The following SPATS2L variants were observed in gnomAD, a reference collection of about 807,000 sequenced individuals.
SPATS2L encodes the protein spermatogenesis associated serine rich 2 like.
A neutral mutation model predicts 59.6 loss-of-function variants in SPATS2L; 30 were observed. That is an observed-to-expected ratio of 0.50 (90% CI 0.38 to 0.68). SPATS2L has a LOEUF of 0.68. SPATS2L is among the 30% of genes least tolerant of loss of function. The probability of loss-of-function intolerance (pLI) is 0.00; values close to 1 mark genes in which losing one functional copy is unlikely to be tolerated. For synonymous variants in SPATS2L, 252 were observed against 263.5 expected (o/e 0.96, Z 0.42); for missense variants, 615 against 700.0 (o/e 0.88, Z 1.37).
rs192823480 is a variant in SPATS2L at position 200,359,274 on chromosome 2, C to T, written c.-23+29794C>T. Among the ~76,000 whole-genome samples the T allele has an allele frequency of 1.3e-3, 201 of 152,042 alleles. 2 individuals are homozygous for T. Among genetic ancestry groups the T allele is most frequent in the African/African-American group, 4.5e-3 (188 of 41,470 alleles). ...AGTTTCATACTTTCTTCATTATTAC[C>T]ACCTTTATCACTCTAATCAAACTCT... On this transcript the variant is annotated intron_variant, in intron 2 of 12. Transcript: ENST00000409140.
Position 200,387,603 on chromosome 2 carries a change from C to T in SPATS2L, c.-22-1620C>T, listed in dbSNP as rs189334019. Among the ~76,000 whole-genome samples, 133 of 152,100 alleles carry T rather than the reference C, an allele frequency of 8.7e-4. 1 individual carries two copies. Among genetic ancestry groups the T allele is most frequent in the African/African-American group, 2.8e-3 (118 of 41,484 alleles). On this transcript the variant is annotated intron_variant, in intron 2 of 12. Coordinates refer to ENST00000409140, the MANE Select transcript of SPATS2L (RefSeq NM_001100423.2). ...ATCTGAATTTATGCTTTATTTAAGA[C>T]GTAAGTGTAAAAGAAAATAGTGGGG...
intron 6 of SPATS2L, among the ~76,000 whole-genome samples, chr2:200,431,734 A>G (rs2083944560): frequency 6.6e-6 from 1 of 152,228 alleles, no homozygotes; most frequent in Non-Finnish European, 1.5e-5. Flanking sequence ...AATCTTTTTC[A>G]GAAACTTTCA....
chr2:200,452,369 G>C (rs1574620165), intron 8 of SPATS2L, among the ~76,000 whole-genome samples: 1 of 152,084 alleles, frequency 6.6e-6, no homozygotes, highest in East Asian at 1.9e-4. Context: ...ATTCCAATAA[G>C]AAAAAGAAAT....
In SPATS2L at chr2:200,478,092, A is replaced by G. The variant is rs2087680622; in HGVS notation, c.*61A>G. Reference sequence around the variant, plus strand: ...GGTTCCCTGCCCGAGGTGCTGACCCAATTCGCTGCCAAAAGAGTGTCAATC... The same window carrying G: ...GGTTCCCTGCCCGAGGTGCTGACCCGATTCGCTGCCAAAAGAGTGTCAATC... On this transcript the variant is annotated 3_prime_UTR_variant, in exon 13 of 13. Transcript: ENST00000409140. 2.1e-6 allele frequency: 3 copies of G among 1,457,420 alleles called. No individual in the cohort carries two copies. The East Asian group carries it at 6.9e-5, about 34-fold the overall frequency. 90.3% of individuals were successfully genotyped at this position (1,457,420 alleles called of 1,614,324 possible).
At chr2:200,396,320 A>G (rs913076610) in intron 3 of SPATS2L, among the ~76,000 whole-genome samples, 1 of 151,878 alleles carries the variant, frequency 6.6e-6, no homozygotes, top group Admixed American at 6.6e-5. Context: ...TATAAACAAT[A>G]ATTGTGTAGA....
At chr2:200,453,650 G>A (rs3769441) in intron 8 of SPATS2L, among the ~76,000 whole-genome samples, 25,646 of 152,192 alleles carry the variant, frequency 0.17, 2,500 homozygotes, top group Middle Eastern at 0.31. Context: ...CAAGGCCCAC[G>A]TGGTGGTCAG....
chr2:200,476,354 A>ATTT (rs1271563513), intron 12 of SPATS2L, among the ~76,000 whole-genome samples: 1 of 152,216 alleles, frequency 6.6e-6, no homozygotes, highest in African/African-American at 2.4e-5. Context: ...CCAAGATAAT[A>ATTT]TTTCTGAACT....
intron 12 of SPATS2L, 30 bp downstream of exon 12, chr2:200,473,082 GGAA>G: frequency 7.0e-7 from 1 of 1,421,244 alleles, no homozygotes. Context: ...GGGTGCCAGA[GGAA>G]AAAAAAAAAA....
At chr2:200,431,614 A>G (rs2083936755) in intron 6 of SPATS2L, among the ~76,000 whole-genome samples, 1 of 152,226 alleles carries the variant, frequency 6.6e-6, no homozygotes, top group South Asian at 2.1e-4. Flanking sequence ...TATGTTTAAT[A>G]CATTCCTTAC....
intron 2 of SPATS2L, among the ~76,000 whole-genome samples, chr2:200,369,434 C>A (rs547364159): frequency 6.6e-6 from 1 of 152,056 alleles, no homozygotes; most frequent in Non-Finnish European, 1.5e-5. Context: ...GCTGGGATTA[C>A]GGGCATGAGC....
At chr2:200,374,127 C>A (rs535680495) in intron 2 of SPATS2L, among the ~76,000 whole-genome samples, 1 of 152,326 alleles carries the variant, frequency 6.6e-6, no homozygotes, top group African/African-American at 2.4e-5. Context: ...AGGAGCCAAT[C>A]TTAAATTTAT....
At chr2:200,330,544 A>G (rs899927713) in intron 2 of SPATS2L, among the ~76,000 whole-genome samples, 2 of 152,202 alleles carry the variant, frequency 1.3e-5, no homozygotes, top group African/African-American at 4.8e-5. Flanking sequence ...GTCTCCATAC[A>G]CATGTCTGCA....
intron 8 of SPATS2L, among the ~76,000 whole-genome samples, chr2:200,449,754 A>G (rs1378563012): frequency 3.3e-5 from 5 of 152,270 alleles, no homozygotes; most frequent in Non-Finnish European, 2.9e-5. Context: ...GTATAAATAT[A>G]AAATACATTA....
intron 2 of SPATS2L, chr2:200,378,130 C>G (rs1000841331): frequency 4.9e-6 from 3 of 608,740 alleles, no homozygotes; most frequent in Non-Finnish European, 6.3e-6. Flanking sequence ...GTGAGTCTTT[C>G]TGTTGCTCAG....
At chr2:200,428,298 TA>T in intron 6 of SPATS2L, among the ~76,000 whole-genome samples, 1 of 152,358 alleles carries the variant, frequency 6.6e-6, no homozygotes, top group East Asian at 1.9e-4. Context: ...CATTGTTTTT[TA>T]ATCTTTATTT....
At chr2:200,336,278 A>G (rs1450144572) in intron 2 of SPATS2L, among the ~76,000 whole-genome samples, 1 of 152,242 alleles carries the variant, frequency 6.6e-6, no homozygotes, top group African/African-American at 2.4e-5. Flanking sequence ...TTGTTTAATC[A>G]TGAACTTCGT....
At chr2:200,390,664 T>C (rs2082144134) in intron 3 of SPATS2L, 2 of 152,254 alleles carry the variant, frequency 1.3e-5, no homozygotes, top group African/African-American at 4.8e-5. Context: ...ACAAAGGTGA[T>C]TGGTGATGGG....
At chr2:200,434,684 T>G (rs1298978294) in intron 6 of SPATS2L, among the ~76,000 whole-genome samples, 1 of 152,128 alleles carries the variant, frequency 6.6e-6, no homozygotes, top group Non-Finnish European at 1.5e-5. Flanking sequence ...TATAAAATGA[T>G]GCTAAAGCAA....
At chr2:200,375,968 C>G (rs1559078547) in intron 2 of SPATS2L, among the ~76,000 whole-genome samples, 1 of 152,074 alleles carries the variant, frequency 6.6e-6, no homozygotes, top group Non-Finnish European at 1.5e-5. Context: ...AAAGTGATAA[C>G]TTAGTATGAG....
Sources: gnomAD v4.1 joint callset for allele counts (sites outside exome capture counted in the v4.1 genomes callset) on GRCh38, gnomAD v4.1.1 for gene constraint, MANE v1.5 for transcripts, NCBI Gene and HGNC (gene_info 2026-07-23, HGNC 2026-07-21) for gene names.